The following MKI67 variants were observed in gnomAD, a reference collection of about 807,000 sequenced individuals.
The protein encoded by MKI67 is proliferation marker protein Ki-67.
A neutral mutation model predicts 233.5 loss-of-function variants in MKI67; 152 were observed. The ratio of observed to expected loss-of-function variants is 0.65; its 90% CI spans 0.57 to 0.74. The LOEUF is 0.74. Ranked by LOEUF, MKI67 falls within the 30% of genes least tolerant of loss-of-function variation. The probability of loss-of-function intolerance (pLI) is 0.00; values close to 1 mark genes in which losing one functional copy is unlikely to be tolerated. For missense variants in MKI67, 3,940 were observed against 3,885.2 expected (o/e 1.01, Z -0.37); for synonymous variants, 1,465 against 1,418.5 (o/e 1.03, Z -0.74).
intron 6 of MKI67, 110 bp from the exon 7 acceptor site, chr10:128,116,117 T>G: frequency 7.9e-7 from 1 of 1,263,306 alleles, no homozygotes; most frequent in Non-Finnish European, 1.1e-6. Context: ...AAGCTAGCTT[T>G]TACTTGGCCT....
In MKI67 at chr10:128,103,798, C is replaced by T. The variant is rs148673314; in HGVS notation, c.8042G>A (p.Gly2681Asp). ...TGATGTTTCAGAGAGCTCTGTGAAG[C>T]CGGCCAGGTCTTCCAGGGGTTGGGC... Reference protein sequence around the residue: ...EKAQPLEDLAGFTELSETSGH... With the variant: ...EKAQPLEDLADFTELSETSGH... Residue 2681 changes from glycine (G) to aspartate (D), a missense_variant, in exon 13 of 15, where the codon GGC (glycine) becomes GAC (aspartate). Gly to Asp is a moderately conservative substitution (Grantham distance 94). Coordinates refer to ENST00000368654, the MANE Select transcript of MKI67 (RefSeq NM_002417.5). 1.1e-5 allele frequency: 18 copies of T among 1,613,826 alleles called. No individual in the cohort carries two copies. The South Asian group carries it at 1.4e-4, about 13-fold the overall frequency.
At position 128,096,692 on chromosome 10, in the gene MKI67, C is replaced by T. The variant is rs540014320; in HGVS notation, c.*2498G>A. 1 of 152,318 alleles carries T rather than the reference C, an allele frequency of 6.6e-6. No homozygotes were observed. Among genetic ancestry groups the T allele is most frequent in the East Asian group, 1.9e-4 (1 of 5,186 alleles). 9.4% of individuals were successfully genotyped at this position (152,318 alleles called of 1,614,324 possible). A position where few individuals can be genotyped will look rare whatever the true frequency, so the allele number is the denominator to read the frequency against. ...CCATTTCATCACATACTTTATTGGA[C>T]ATCTCCTGTGGCTGGTCACTGGGAT... On this transcript the variant is annotated 3_prime_UTR_variant, in exon 15 of 15. Coordinates refer to ENST00000368654, the MANE Select transcript of MKI67 (RefSeq NM_002417.5).
rs1413464234 is a variant in MKI67 at position 128,119,234 on chromosome 10, C to T, written c.354+19G>A. The T allele has an allele frequency of 6.4e-7, 1 of 1,565,174 alleles. No homozygotes were observed. On this transcript the variant is annotated intron_variant, in intron 5 of 14. Transcript: ENST00000368654. ...TATCATCGAAACGAATCAGCCCAAA[C>T]TTGGATATTTTCTATCACCTGTTCA...
Position 128,104,971 on chromosome 10 carries a change from A to G in MKI67, c.6869T>C (p.Leu2290Ser), listed in dbSNP as rs142585399. The change falls in exon 13 of 15, where the codon TTG becomes TCG. Residue 2290 changes from leucine to serine, a missense_variant. Transcript: ENST00000368654. ...GCCAGGTAAATTTCCTGGCAGGTCC[A>G]ATTTCTGCACTGGAGTTCCCATAAA... ...KAFMGTPVQKLDLPGNLPGSK... is the reference protein window; with the variant it reads ...KAFMGTPVQKSDLPGNLPGSK... The G allele has an allele frequency of 7.7e-4, 1,241 of 1,612,598 alleles. 10 individuals carry two copies. Among genetic ancestry groups the G allele is most frequent in the Admixed American group, 7.6e-3 (452 of 59,806 alleles).
rs1590302916 is a variant in MKI67 at position 128,107,289 on chromosome 10, T to C, written c.4551A>G (p.Lys1517=). The change falls in exon 13 of 15, where the codon AAA becomes AAG. Residue 1517 remains lysine (K), a synonymous_variant. Coordinates refer to ENST00000368654, the MANE Select transcript of MKI67 (RefSeq NM_002417.5). ...SKPQSKRSLR[K]VDVEEEFFAL... The stretch of plus-strand genomic sequence containing the variant: ...CGAAGAATTCTTCTTCTACGTCCAC[T>C]TTCCTGAGACTTCTCTTGGACTGTG... 5 of 1,614,182 alleles carry C rather than the reference T, an allele frequency of 3.1e-6. No homozygotes were observed. In the East Asian group the frequency reaches 6.7e-5, roughly 22 times the overall value.
Position 128,107,082 on chromosome 10 carries a change from T to C in MKI67, c.4758A>G (p.Glu1586=). 4.3e-6 allele frequency: 7 copies of C among 1,614,096 alleles called. No homozygotes were observed. The highest frequency in any genetic ancestry group is 5.9e-6 in the Non-Finnish European group (7 of 1,180,016). ...AGAGCTCTTTAAAGCCAGCCAGGTC[T>C]TCTAGAGCCTGGGCCTTTTCCTTAG... ...QTPKEKAQAL[E]DLAGFKELFQ... Residue 1586 remains glutamate (E), a synonymous_variant, in exon 13 of 15, where the codon GAA becomes GAG. Coordinates refer to ENST00000368654, the MANE Select transcript of MKI67 (RefSeq NM_002417.5).
chr10:128,101,491 A>T lies in MKI67; in HGVS notation c.9472T>A (p.Ser3158Thr). 1 of 1,614,052 alleles carries T rather than the reference A, an allele frequency of 6.2e-7. No individual in the cohort carries two copies. Among genetic ancestry groups the T allele is most frequent in the Non-Finnish European group, 8.5e-7 (1 of 1,180,012 alleles). ...TGGGAGCTCTCATTCTGTCTAGCAG[A>T]CCTCAAGCACCTTTTGTTCTCAGTG... The part of the protein sequence containing the change: ...KVTENKRCLR[S>T]ARQNESSQPK... Residue 3158 changes from serine to threonine, a missense_variant, in exon 14 of 15, where the codon TCT (serine) becomes ACT (threonine). Transcript: ENST00000368654.
rs548214520 is a variant in MKI67, at chr10:128,119,404, T to G, written c.288-85A>C. The G allele has an allele frequency of 1.8e-5, 16 of 892,824 alleles. No homozygotes were observed. In the East Asian group the frequency reaches 4.0e-4, roughly 22 times the overall value. The allele number at this position is 892,824 out of a possible 1,614,324, so 55.3% of individuals were successfully genotyped here. A position where few individuals can be genotyped will look rare whatever the true frequency, so the allele number is the denominator to read the frequency against. On this transcript the variant is annotated intron_variant, in intron 4 of 14. Transcript: ENST00000368654. The stretch of plus-strand genomic sequence containing the variant: ...TCCATATCCACTTAATGTCCAAGGA[T>G]CAACGAACAAACTTTGGGTTTAGTT...
In MKI67 at chr10:128,111,636, C is replaced by G; in HGVS notation, c.2260+9G>C. 1 of 1,592,736 alleles carries G rather than the reference C, an allele frequency of 6.3e-7. No individual in the cohort carries two copies. The highest frequency in any genetic ancestry group is 8.6e-7 in the Non-Finnish European group (1 of 1,168,450). On this transcript the variant is annotated intron_variant, in intron 11 of 14. Coordinates refer to ENST00000368654, the MANE Select transcript of MKI67 (RefSeq NM_002417.5). ...AAAAGATTTATAAGATCTAAGACTA[C>G]GTTTTTACCTGAAAGATCTTCCTTA...
At chr10:128,123,047 G>A in intron 3 of MKI67, 44 bp downstream of exon 3, 1 of 1,579,728 alleles carries the variant, frequency 6.3e-7, no homozygotes, top group Non-Finnish European at 8.7e-7. Context: ...GATTAAAAGT[G>A]AACTAAAAAG....
At position 128,109,440 on chromosome 10, in the gene MKI67, C is replaced by A; in HGVS notation, c.2417-17G>T. ...CATTTCCTCCTGAAATAAAAACATA[C>A]ACAATAAAAACATTCTATTAGTGTC... is the stretch of plus-strand genomic sequence containing the variant. On this transcript the variant is annotated splice_polypyrimidine_tract_variant and intron_variant, in intron 12 of 14. Transcript: ENST00000368654. 1 of 1,595,538 alleles carries A rather than the reference C, an allele frequency of 6.3e-7. No homozygotes were observed. The highest frequency in any genetic ancestry group is 1.8e-5 in the Admixed American group (1 of 56,650).
intron 4 of MKI67, among the ~76,000 whole-genome samples, chr10:128,121,409 ATATG>A (rs1424177072): frequency 7.0e-6 from 1 of 142,202 alleles, no homozygotes; most frequent in East Asian, 2.0e-4. Context: ...TATATATTGT[ATATG>A]TATTATATAT....
chr10:128,100,377 C>G (rs1852311864), intron 14 of MKI67, among the ~76,000 whole-genome samples: 1 of 151,862 alleles, frequency 6.6e-6, no homozygotes, highest in Admixed American at 6.5e-5. Context: ...CTTTTCTTGG[C>G]AGTTGAAGCT....
Position 128,125,786 on chromosome 10 carries a change from G to T in MKI67, c.-89-30C>A. 1.2e-6 allele frequency: 1 copy of T among 849,524 alleles called. No homozygotes were observed. The highest frequency in any genetic ancestry group is 2.0e-6 in the Non-Finnish European group (1 of 507,876). 52.6% of individuals were successfully genotyped at this position (849,524 alleles called of 1,614,324 possible). ...AAAAGAGGTGCGAGTTACTCTGATA[G>T]CAAAGGAGCTAAGAAGGGCCCCGTG... On this transcript the variant is annotated intron_variant, in intron 1 of 14. Coordinates refer to ENST00000368654, the MANE Select transcript of MKI67 (RefSeq NM_002417.5). The surrounding 1 kb of genome is among the most constrained non-coding windows in gnomAD (Gnocchi z 5.3).
At chr10:128,120,515 A>G (rs1000336206) in intron 4 of MKI67, among the ~76,000 whole-genome samples, 5 of 152,060 alleles carry the variant, frequency 3.3e-5, no homozygotes, top group Non-Finnish European at 7.4e-5. Context: ...CAAACAAACA[A>G]AAAGAAAAAG....
Position 128,103,178 on chromosome 10 carries a change from G to A in MKI67, c.8662C>T (p.Pro2888Ser). The A allele has an allele frequency of 6.2e-7, 1 of 1,612,674 alleles. No homozygotes were observed. Among genetic ancestry groups the A allele is most frequent in the Non-Finnish European group, 8.5e-7 (1 of 1,179,758 alleles). ...TCTGCGTCCAGCTTCCGCTTTGCAG[G>A]TTGCTTAAATGCTTTCGTGCCTTTG... ...EGKGTKAFKQ[P>S]AKRKLDAEDV... The change falls in exon 13 of 15, where the codon CCT becomes TCT. Residue 2888 changes from proline (P) to serine (S), a missense_variant. Physicochemically the swap from Pro to Ser is moderately conservative, Grantham distance 74 (BLOSUM62 -1). Transcript: ENST00000368654.
intron 14 of MKI67, among the ~76,000 whole-genome samples, chr10:128,100,607 G>T (rs1329940638): frequency 1.3e-5 from 2 of 152,218 alleles, no homozygotes; most frequent in African/African-American, 4.8e-5. Context: ...GCTAAACCAA[G>T]TATTCCCCAG....
chr10:128,103,678 T>C lies in MKI67; in HGVS notation c.8162A>G (p.Lys2721Arg), dbSNP rs559804532. 6 of 1,614,184 alleles carry C rather than the reference T, an allele frequency of 3.7e-6. No homozygotes were observed. In the South Asian group the frequency reaches 4.4e-5, roughly 12 times the overall value. ...LEVVDTTASTKRHLRTRVQKV... is the reference protein window; with the variant it reads ...LEVVDTTASTRRHLRTRVQKV... ...CTGCACACGTGTCCTGAGATGCCTCTTTGTGCTTGCTGTGGTGTCTACCAC... is the reference window on the plus strand; with the variant it reads ...CTGCACACGTGTCCTGAGATGCCTCCTTGTGCTTGCTGTGGTGTCTACCAC... Residue 2721 changes from lysine (K) to arginine (R), a missense_variant, in exon 13 of 15, where the codon AAG becomes AGG. Lys to Arg is a conservative substitution (Grantham distance 26). Coordinates refer to ENST00000368654, the MANE Select transcript of MKI67 (RefSeq NM_002417.5).
chr10:128,097,968 A>G lies in MKI67; in HGVS notation c.*1222T>C, dbSNP rs7347. The G allele has an allele frequency of 0.56, 85,583 of 152,188 alleles. 24,256 individuals carry two copies. The highest frequency in any genetic ancestry group is 0.61 in the East Asian group (3,121 of 5,144). The allele number at this position is 152,188 out of a possible 1,614,324, so 9.4% of individuals were successfully genotyped here. A position where few individuals can be genotyped will look rare whatever the true frequency, so the allele number is the denominator to read the frequency against. ...ACACTGGGGAAACAAACGTGGAGAC[A>G]GGGCACTGCCCGCACAGGGCACATT... On this transcript the variant is annotated 3_prime_UTR_variant, in exon 15 of 15. Coordinates refer to ENST00000368654, the MANE Select transcript of MKI67 (RefSeq NM_002417.5).
Sources: gnomAD v4.1 joint callset for allele counts (sites outside exome capture counted in the v4.1 genomes callset) on GRCh38, gnomAD v4.1.1 for gene constraint, Gnocchi (gnomAD v3.1) non-coding constraint, MANE v1.5 for transcripts, NCBI Gene and HGNC (gene_info 2026-07-23, HGNC 2026-07-21) for gene names.